Variants in BARD1 observed in about 807,000 individuals in gnomAD.
The protein encoded by BARD1 is BRCA1-associated RING domain protein 1.
BARD1 carries 73 observed loss-of-function variants against 77.0 expected under a neutral mutation model. That is an observed-to-expected ratio of 0.95 (90% CI 0.79 to 1.15). The LOEUF (loss-of-function observed/expected upper bound fraction) is 1.15, where lower values mean the gene tolerates loss of function less well. BARD1 is among the 50% of genes most tolerant of loss of function. The pLI, the probability that BARD1 is intolerant of heterozygous loss-of-function variation, is 0.00. For synonymous variants in BARD1, 384 were observed against 338.0 expected (o/e 1.14, Z -1.49); for missense variants, 993 against 938.8 (o/e 1.06, Z -0.75).
intron 9 of BARD1, chr2:214,731,204 G>A (rs1184858399): frequency 5.0e-6 from 1 of 199,414 alleles, no homozygotes. Context: ...AAAAGCAAAA[G>A]CAATAGAGAC....
rs1064795260 is a variant in BARD1 at position 214,780,646 on chromosome 2, T to A, written c.1228A>T (p.Ser410Cys). ...GGCAACAGCTTCATTGCTGAGGGAC[T>A]AGACATCACTCGCCTGTAACTTGAA... ...SSSSYRRVMSSPSAMKLLPNM... is the reference protein window; with the variant it reads ...SSSSYRRVMSCPSAMKLLPNM... The change falls in exon 4 of 11, where the codon AGT (serine) becomes TGT (cysteine). Residue 410 changes from serine to cysteine, a missense_variant. Physicochemically the swap from Ser to Cys is moderately radical, Grantham distance 112 (BLOSUM62 -1). Coordinates refer to ENST00000260947, the MANE Select transcript of BARD1 (RefSeq NM_000465.4). The A allele has an allele frequency of 2.5e-6, 4 of 1,614,006 alleles. No individual in the cohort carries two copies. The African/African-American group carries it at 4.0e-5, about 16-fold the overall frequency.
intron 9 of BARD1, among the ~76,000 whole-genome samples, chr2:214,736,901 T>C (rs1214400880): frequency 6.6e-6 from 1 of 152,190 alleles, no homozygotes; most frequent in Non-Finnish European, 1.5e-5. Context: ...AATATGCTTT[T>C]ACTCCAAGCA....
Position 214,739,936 on chromosome 2 carries a change from A to G in BARD1, c.1903+5131T>C, listed in dbSNP as rs1692739814. On this transcript the variant is annotated intron_variant, in intron 9 of 10. Transcript: ENST00000260947. Reference sequence around the variant, plus strand: ...TTAAATTCTATTGCAAAAATATATTATTATATCATAAATTTTTCTTAGACA... The same window carrying G: ...TTAAATTCTATTGCAAAAATATATTGTTATATCATAAATTTTTCTTAGACA... Among the ~76,000 whole-genome samples, 3 of 152,164 alleles carry G rather than the reference A, an allele frequency of 2.0e-5. 1 individual carries two copies. Among genetic ancestry groups the G allele is most frequent in the African/African-American group, 7.2e-5 (3 of 41,582 alleles).
chr2:214,733,182 G>T (rs1046603207), intron 9 of BARD1, among the ~76,000 whole-genome samples: 7 of 152,068 alleles, frequency 4.6e-5, no homozygotes, highest in Admixed American at 6.5e-5. Flanking sequence ...CCACTTCGGC[G>T]CTCTTCCTAT....
At chr2:214,741,636 T>C (rs1692834969) in intron 9 of BARD1, among the ~76,000 whole-genome samples, 1 of 152,232 alleles carries the variant, frequency 6.6e-6, no homozygotes, top group South Asian at 2.1e-4. Flanking sequence ...TCCCTCACCA[T>C]TTTGATGTTG....
chr2:214,804,528 G>A (rs551671168), intron 1 of BARD1, among the ~76,000 whole-genome samples: 3 of 152,262 alleles, frequency 2.0e-5, no homozygotes, highest in Non-Finnish European at 4.4e-5. Flanking sequence ...CCAATGATTT[G>A]TGCCTTTTCT....
At chr2:214,777,691 A>G (rs1196387707) in intron 4 of BARD1, among the ~76,000 whole-genome samples, 1 of 152,210 alleles carries the variant, frequency 6.6e-6, no homozygotes, top group Non-Finnish European at 1.5e-5. Context: ...CACCAAAACT[A>G]AATTCACTCC....
At chr2:214,759,882 T>C (rs1559402034) in intron 6 of BARD1, among the ~76,000 whole-genome samples, 1 of 152,174 alleles carries the variant, frequency 6.6e-6, no homozygotes, top group South Asian at 2.1e-4. Flanking sequence ...CATACCACAA[T>C]ATGGTTAATT....
chr2:214,780,476 C>G (rs936401274), intron 4 of BARD1, 84 bp downstream of exon 4: 10 of 1,154,092 alleles, frequency 8.7e-6, no homozygotes, highest in African/African-American at 6.1e-5. Flanking sequence ...TCCTAGTAAT[C>G]CTATGCCATT....
chr2:214,745,081 A>C lies in BARD1; in HGVS notation c.1889T>G (p.Ile630Ser). 6.2e-7 allele frequency: 1 copy of C among 1,613,878 alleles called. No homozygotes were observed. The highest frequency in any genetic ancestry group is 2.2e-5 in the East Asian group (1 of 44,844). ...CMLGILNGCW[I>S]LKFEWVKACL... The stretch of plus-strand genomic sequence containing the variant: ...CCAACACTTACATTCAAATTTTAGA[A>C]TCCAGCATCCATTGAGAATCCCAAG... Residue 630 changes from isoleucine to serine, a missense_variant, in exon 9 of 11, where the codon ATT becomes AGT. Transcript: ENST00000260947.
chr2:214,802,347 T>G (rs1191899404), intron 1 of BARD1, among the ~76,000 whole-genome samples: 1 of 152,168 alleles, frequency 6.6e-6, no homozygotes, highest in Admixed American at 6.5e-5. Flanking sequence ...TGGGCTAATG[T>G]TAGTGTTCTG....
In BARD1 at chr2:214,798,093, G is replaced by C. The variant is rs1003765820; in HGVS notation, c.159-976C>G. Among the ~76,000 whole-genome samples the C allele has an allele frequency of 6.6e-5, 10 of 152,100 alleles. No individual in the cohort carries two copies. The South Asian group carries it at 1.5e-3, about 22-fold the overall frequency. On this transcript the variant is annotated intron_variant, in intron 1 of 10. Transcript: ENST00000260947. ...ACACCATTATTATTAAATTACCTCT[G>C]TACACATACCACGTATCAATAAAAA...
At chr2:214,772,349 T>C (rs1559415112) in intron 4 of BARD1, among the ~76,000 whole-genome samples, 2 of 152,024 alleles carry the variant, frequency 1.3e-5, no homozygotes, top group South Asian at 2.1e-4. Flanking sequence ...AGTGAGCAGA[T>C]AAACTGCCAG....
intron 6 of BARD1, among the ~76,000 whole-genome samples, chr2:214,764,990 C>A (rs748580875): frequency 2.0e-5 from 3 of 152,186 alleles, no homozygotes; most frequent in Non-Finnish European, 2.9e-5. Context: ...TCAATCCCAA[C>A]CTCTTGGGTG....
At chr2:214,795,419 T>C (rs1232035818) in intron 2 of BARD1, among the ~76,000 whole-genome samples, 1 of 151,988 alleles carries the variant, frequency 6.6e-6, no homozygotes, top group East Asian at 1.9e-4. Flanking sequence ...CCATACAGGG[T>C]TTTGCAGACC....
intron 3 of BARD1, among the ~76,000 whole-genome samples, chr2:214,783,974 C>A (rs1366760475): frequency 6.6e-6 from 1 of 152,096 alleles, no homozygotes; most frequent in Non-Finnish European, 1.5e-5. Context: ...GACTTCAAGA[C>A]TAAAACAATG....
In BARD1 at chr2:214,748,735, AGTGAG is replaced by A. The variant is rs1693259895; in HGVS notation, c.1678-2886_1678-2882del. 2.0e-5 allele frequency among the ~76,000 whole-genome samples: 3 copies of A among 152,156 alleles called. No individual in the cohort carries two copies. The South Asian group carries it at 6.2e-4, about 32-fold the overall frequency. ...TTCAAACCCCTTCCTTTAGGGAAGCAGTGAGCTGCTTCCCTAAAGCAGCTCACTGG... is the reference window on the plus strand; with the variant it reads ...TTCAAACCCCTTCCTTTAGGGAAGCACTGCTTCCCTAAAGCAGCTCACTGG... On this transcript the variant is annotated intron_variant, in intron 7 of 10. Coordinates refer to ENST00000260947, the MANE Select transcript of BARD1 (RefSeq NM_000465.4).
chr2:214,773,671 T>G (rs527429946), intron 4 of BARD1, among the ~76,000 whole-genome samples: 2 of 152,290 alleles, frequency 1.3e-5, no homozygotes, highest in East Asian at 1.9e-4. Flanking sequence ...GAAAATAACT[T>G]TATTGCTAAA....
rs543898870 is a variant in BARD1, at chr2:214,805,325, C to A, written c.158+4087G>T. ...TAATTAAGCATACACTCCTTAAAGG[C>A]AGAAGTAGAAAATGCATCACCTTAT... On this transcript the variant is annotated intron_variant, in intron 1 of 10. Transcript: ENST00000260947. 8.5e-5 allele frequency among the ~76,000 whole-genome samples: 13 copies of A among 152,258 alleles called. No homozygotes were observed. In the South Asian group the frequency reaches 2.7e-3, roughly 32 times the overall value.
Sources: gnomAD v4.1 joint callset for allele counts (sites outside exome capture counted in the v4.1 genomes callset) on GRCh38, gnomAD v4.1.1 for gene constraint, MANE v1.5 for transcripts, NCBI Gene and HGNC (gene_info 2026-07-23, HGNC 2026-07-21) for gene names.